The following TADA2A variants were observed in gnomAD, a reference collection of about 807,000 sequenced individuals.
TADA2A encodes the protein transcriptional adaptor 2A.
A neutral mutation model predicts 67.4 loss-of-function variants in TADA2A; 38 were observed. The observed-to-expected ratio is 0.56, with a 90% CI of 0.44 to 0.74. The LOEUF (loss-of-function observed/expected upper bound fraction) is 0.74. Among genes scored for constraint, TADA2A ranks in the 30% least tolerant of loss-of-function variants. The probability of loss-of-function intolerance (pLI) is 0.00; values close to 1 mark genes in which losing one functional copy is unlikely to be tolerated. For missense variants in TADA2A, 454 were observed against 547.0 expected (o/e 0.83, Z 1.70); for synonymous variants, 192 against 181.6 (o/e 1.06, Z -0.46).
At chr17:37,413,348 A>G (rs1202589215) in intron 2 of TADA2A, among the ~76,000 whole-genome samples, 2 of 152,158 alleles carry the variant, frequency 1.3e-5, no homozygotes, top group Non-Finnish European at 2.9e-5. Context: ...ACATGTAGAG[A>G]AATCTAAGTG....
At chr17:37,434,141 G>C (rs1178691184) in intron 4 of TADA2A, among the ~76,000 whole-genome samples, 2 of 152,112 alleles carry the variant, frequency 1.3e-5, no homozygotes, top group Non-Finnish European at 2.9e-5. Context: ...GATTTTCCTT[G>C]TTCATGACCT....
chr17:37,472,933 G>C (rs2053820594), intron 14 of TADA2A, among the ~76,000 whole-genome samples: 1 of 151,824 alleles, frequency 6.6e-6, no homozygotes, highest in African/African-American at 2.4e-5. Context: ...TTTGTTCTCT[G>C]TACTATCTGC....
rs114359968 is a variant in TADA2A at position 37,459,168 on chromosome 17, A to G, written c.668+581A>G. Among the ~76,000 whole-genome samples the G allele has an allele frequency of 5.6e-3, 858 of 152,188 alleles. 5 individuals carry two copies. The highest frequency in any genetic ancestry group is 0.019 in the African/African-American group (791 of 41,506). On this transcript the variant is annotated intron_variant, in intron 9 of 15. Transcript: ENST00000615182. ...TTATTGACGTTATGATGAACAATGAATAATATGGGTACACTGTTTTAAGCT... is the reference window on the plus strand; with the variant it reads ...TTATTGACGTTATGATGAACAATGAGTAATATGGGTACACTGTTTTAAGCT...
chr17:37,461,632 G>A (rs760950123), intron 9 of TADA2A, among the ~76,000 whole-genome samples: 5 of 152,194 alleles, frequency 3.3e-5, no homozygotes, highest in Non-Finnish European at 7.3e-5. Context: ...AGTACCGCCA[G>A]TGTTGTGTGA....
intron 4 of TADA2A, among the ~76,000 whole-genome samples, chr17:37,432,049 A>AT (rs112601671): frequency 2.1e-3 from 315 of 147,712 alleles, no homozygotes; most frequent in Middle Eastern, 0.021. Context: ...CACTGTTCTG[A>AT]TTTTTTTTTT....
intron 4 of TADA2A, among the ~76,000 whole-genome samples, chr17:37,428,689 C>T (rs962616341): frequency 1.3e-5 from 2 of 152,186 alleles, no homozygotes; most frequent in Admixed American, 1.3e-4. Context: ...TTAAGCTATC[C>T]TATCTCAGCC....
intron 9 of TADA2A, chr17:37,461,770 G>A (rs929250216): frequency 2.2e-5 from 5 of 230,970 alleles, no homozygotes; most frequent in South Asian, 2.3e-4. Context: ...GATTCCTTTC[G>A]GTTTCATCTT....
chr17:37,423,746 T>A, intron 3 of TADA2A, 131 bp downstream of exon 3: 1 of 661,102 alleles, frequency 1.5e-6, no homozygotes, highest in Non-Finnish European at 2.3e-6. Flanking sequence ...ATTTTTCTTT[T>A]TCTTTCTTTT....
chr17:37,427,159 C>T (rs574923012), intron 4 of TADA2A, 150 bp downstream of exon 4: 26 of 566,936 alleles, frequency 4.6e-5, no homozygotes, highest in Admixed American at 1.3e-4. Context: ...TTCTCCCCTT[C>T]GGAAATAGGT....
rs143278805 is a variant in TADA2A at position 37,467,332 on chromosome 17, C to T, written c.824-122C>T. 4.8e-4 allele frequency: 351 copies of T among 737,430 alleles called. 2 individuals are homozygous for T. In the African/African-American group the frequency reaches 5.7e-3, roughly 12 times the overall value. 45.7% of individuals were successfully genotyped at this position (737,430 alleles called of 1,614,324 possible). ...TGAGAAGTTACCAACGAGTAGGATT[C>T]TCCAAATGAACTTCCCTAGTCTTAT... On this transcript the variant is annotated intron_variant, in intron 11 of 15. Transcript: ENST00000615182.
In TADA2A at chr17:37,411,330, A is replaced by T; in HGVS notation, c.-36A>T. ...CTGAAGTCTTGAAGAAGCTCTGCTG[A>T]GGAAGACCAAAGCAGCACTCGTTGC... On this transcript the variant is annotated 5_prime_UTR_variant, in exon 2 of 16. Coordinates refer to ENST00000615182, the MANE Select transcript of TADA2A (RefSeq NM_001166105.3). 1 of 1,612,678 alleles carries T rather than the reference A, an allele frequency of 6.2e-7. No individual in the cohort carries two copies. Among genetic ancestry groups the T allele is most frequent in the South Asian group, 1.1e-5 (1 of 91,040 alleles).
intron 9 of TADA2A, chr17:37,461,792 A>C (rs1237076484): frequency 3.7e-6 from 1 of 271,796 alleles, no homozygotes; most frequent in East Asian, 7.3e-5. Context: ...AGTGACAGAC[A>C]TGTGTTTTTC....
chr17:37,459,891 C>A (rs1398207605), intron 9 of TADA2A, among the ~76,000 whole-genome samples: 1 of 150,510 alleles, frequency 6.6e-6, no homozygotes, highest in Non-Finnish European at 1.5e-5. Context: ...CATGGTGAAA[C>A]CCTGTCTCTA....
chr17:37,421,969 C>T (rs1386037002), intron 2 of TADA2A, among the ~76,000 whole-genome samples: 3 of 144,222 alleles, frequency 2.1e-5, no homozygotes, highest in Non-Finnish European at 3.1e-5. Flanking sequence ...ACCTCCGCCT[C>T]CCGGGTTCAA....
chr17:37,470,947 T>G, intron 13 of TADA2A, 147 bp from the exon 14 acceptor site: 8 of 771,526 alleles, frequency 1.0e-5, no homozygotes, highest in Non-Finnish European at 1.8e-5. Context: ...CTCAATACAG[T>G]GAGATATCTG....
In TADA2A at chr17:37,439,906, CTTTATTTATTTA is replaced by C. The variant is rs200809737; in HGVS notation, c.285-572_285-561del. Among the ~76,000 whole-genome samples the C allele has an allele frequency of 1.4e-3, 185 of 132,140 alleles. 1 individual carries two copies. Among genetic ancestry groups the C allele is most frequent in the African/African-American group, 4.4e-3 (151 of 34,616 alleles). The allele number at this position is 132,140 out of a possible 152,430, so 86.7% of individuals were successfully genotyped here. A position where few individuals can be genotyped will look rare whatever the true frequency, so the allele number is the denominator to read the frequency against. ...GAAAATTTACAAATTTTCCAGTCAT[CTTTATTTATTTA>C]TTTATTTATTTATTTATTTATTTAT... On this transcript the variant is annotated intron_variant, in intron 5 of 15. Transcript: ENST00000615182.
intron 7 of TADA2A, among the ~76,000 whole-genome samples, chr17:37,444,182 C>T (rs111763522): frequency 0.014 from 2,113 of 149,142 alleles, 37 homozygotes; most frequent in Non-Finnish European, 0.02. Flanking sequence ...TCACTTGAGC[C>T]TGGGGGTTCG....
At chr17:37,417,694 C>T (rs891612877) in intron 2 of TADA2A, among the ~76,000 whole-genome samples, 3 of 151,776 alleles carry the variant, frequency 2.0e-5, no homozygotes, top group African/African-American at 7.3e-5. Context: ...GTCACCAGGC[C>T]CAGACAATTT....
intron 3 of TADA2A, 65 bp downstream of exon 3, chr17:37,423,680 G>A (rs960556548): frequency 3.7e-5 from 44 of 1,190,330 alleles, no homozygotes; most frequent in South Asian, 9.7e-5. Flanking sequence ...GTAATATTTC[G>A]GAGATTACTG....
Sources: allele counts gnomAD v4.1 joint callset (sites outside exome capture counted in the v4.1 genomes callset), GRCh38; gene constraint gnomAD v4.1.1; transcripts MANE v1.5; gene names NCBI Gene and HGNC (gene_info 2026-07-23, HGNC 2026-07-21).